SEC14L1: variants seen among roughly 807,000 people sequenced by gnomAD.
SEC14L1 encodes SEC14-like protein 1.
SEC14L1 carries 48 observed loss-of-function variants against 85.3 expected under a neutral mutation model. The observed-to-expected ratio is 0.56, with a 90% CI of 0.45 to 0.72. The LOEUF (loss-of-function observed/expected upper bound fraction) is 0.72. SEC14L1 is among the 30% of genes least tolerant of loss of function. SEC14L1 has a pLI of 0.00. For missense variants in SEC14L1, 682 were observed against 921.4 expected, an observed-to-expected ratio of 0.74 and a Z score of 3.36; for synonymous variants, 391 against 355.5, an observed-to-expected ratio of 1.10 and a Z score of -1.12.
rs753854411 is a variant in SEC14L1, at chr17:77,215,055, ACT to A, written c.*1034_*1035del. 12 of 980,062 alleles carry A rather than the reference ACT, an allele frequency of 1.2e-5. No homozygotes were observed. The highest frequency in any genetic ancestry group is 1.5e-5 in the Non-Finnish European group (12 of 826,842). The allele number at this position is 980,062 out of a possible 1,614,324, so 60.7% of individuals were successfully genotyped here. On this transcript the variant is annotated 3_prime_UTR_variant, in exon 17 of 17. Coordinates refer to ENST00000436233, the MANE Select transcript of SEC14L1 (RefSeq NM_001143998.2). ...GCTTCTTTGTACATGGGAATTGTGG[ACT>A]CATGCGTGTGTGTGTGTGCATGTGC...
intron 14 of SEC14L1, 53 bp downstream of exon 14, chr17:77,209,529 T>C: frequency 6.3e-7 from 1 of 1,581,450 alleles, no homozygotes; most frequent in Non-Finnish European, 8.6e-7. Flanking sequence ...GCAGAGGGCC[T>C]GGCCCTCGCA....
chr17:77,104,430 C>T (rs866354640), intron 3 of SEC14L1, among the ~76,000 whole-genome samples: 1 of 135,988 alleles, frequency 7.4e-6, no homozygotes, highest in Admixed American at 7.4e-5. Flanking sequence ...CTTGTGTTTA[C>T]TTTTTTTTTT....
At chr17:77,133,121 C>T (rs768800482) in intron 3 of SEC14L1, among the ~76,000 whole-genome samples, 29 of 152,100 alleles carry the variant, frequency 1.9e-4, no homozygotes, top group Non-Finnish European at 5.9e-5. Context: ...GATCCTCCTG[C>T]CTCACCCTCC....
At chr17:77,159,314 G>C (rs1398436046) in intron 3 of SEC14L1, among the ~76,000 whole-genome samples, 2 of 151,348 alleles carry the variant, frequency 1.3e-5, no homozygotes, top group Non-Finnish European at 2.9e-5. Context: ...CGATGGGCCT[G>C]TCTGGGCCTC....
intron 3 of SEC14L1, among the ~76,000 whole-genome samples, chr17:77,158,300 G>A (rs990945285): frequency 3.3e-5 from 5 of 152,098 alleles, no homozygotes; most frequent in African/African-American, 9.7e-5. Flanking sequence ...TCGAAGCTCT[G>A]TCCCCATGAA....
At chr17:77,201,813 T>C (rs992082839) in intron 9 of SEC14L1, among the ~76,000 whole-genome samples, 2 of 152,156 alleles carry the variant, frequency 1.3e-5, no homozygotes, top group African/African-American at 2.4e-5. Flanking sequence ...CCGTAAGATT[T>C]TGGAGCACAT....
At chr17:77,189,323 G>T (rs1265238499) in intron 3 of SEC14L1, among the ~76,000 whole-genome samples, 1 of 152,092 alleles carries the variant, frequency 6.6e-6, no homozygotes, top group East Asian at 1.9e-4. Flanking sequence ...TCCTTACCAC[G>T]CTGGCCCAAA....
chr17:77,096,410 A>G (rs997149584), intron 3 of SEC14L1, among the ~76,000 whole-genome samples: 1 of 148,332 alleles, frequency 6.7e-6, no homozygotes, highest in South Asian at 2.2e-4. Context: ...TACAAAAATT[A>G]GCCAGGCGTT....
intron 3 of SEC14L1, among the ~76,000 whole-genome samples, chr17:77,149,173 G>A (rs913850065): frequency 6.6e-6 from 1 of 152,150 alleles, no homozygotes; most frequent in African/African-American, 2.4e-5. Flanking sequence ...TTGGTGTTAG[G>A]TACTTTCACT....
chr17:77,202,949 AAAAC>A lies in SEC14L1; in HGVS notation c.1010-619_1010-616del, dbSNP rs543940232. ...AAAATAAAAAAATAAAAAAAAAAAAAAAACAGAGTAGAGCCAACACAGGCTGCTT... is the reference window on the plus strand; with the variant it reads ...AAAATAAAAAAATAAAAAAAAAAAAAAGAGTAGAGCCAACACAGGCTGCTT... On this transcript the variant is annotated intron_variant, in intron 9 of 16. Coordinates refer to ENST00000436233, the MANE Select transcript of SEC14L1 (RefSeq NM_001143998.2). Among the ~76,000 whole-genome samples the A allele has an allele frequency of 7.4e-3, 1,130 of 151,842 alleles. 7 individuals carry two copies. Among genetic ancestry groups the A allele is most frequent in the Non-Finnish European group, 0.013 (854 of 67,890 alleles).
intron 6 of SEC14L1, 126 bp from the exon 7 acceptor site, chr17:77,194,551 C>CA (rs548412137): frequency 0.059 from 33,408 of 569,628 alleles, 80 homozygotes; most frequent in East Asian, 0.088. Flanking sequence ...GACCCTGTCT[C>CA]AAAAAAAAAA....
In SEC14L1 at chr17:77,143,627, G is replaced by A. The variant is rs1336590639; in HGVS notation, c.31G>A (p.Val11Met). 8.1e-6 allele frequency: 13 copies of A among 1,613,394 alleles called. No homozygotes were observed. The highest frequency in any genetic ancestry group is 1.1e-5 in the Non-Finnish European group (13 of 1,179,534). MVQKYQSPVR[V>M]YKYPFELIMA... The stretch of plus-strand genomic sequence containing the variant: ...GCAGAAATACCAGTCCCCAGTGAGG[G>A]TGTACAAATACCCCTTTGAATTAAT... Residue 11 changes from valine to methionine, a missense_variant, in exon 3 of 17, where the codon GTG becomes ATG. Coordinates refer to ENST00000436233, the MANE Select transcript of SEC14L1 (RefSeq NM_001143998.2).
At chr17:77,194,607 A>G (rs1975708005) in intron 6 of SEC14L1, 70 bp from the exon 7 acceptor site, 1 of 1,293,614 alleles carries the variant, frequency 7.7e-7, no homozygotes, top group South Asian at 1.3e-5. Flanking sequence ...AAAAAAAGAA[A>G]AATCTTGGGA....
chr17:77,174,225 A>G (rs532660253), intron 3 of SEC14L1, among the ~76,000 whole-genome samples: 1 of 151,244 alleles, frequency 6.6e-6, no homozygotes, highest in East Asian at 2.0e-4. Flanking sequence ...GGCCTCTTGC[A>G]CTCTTTCTTT....
In SEC14L1 at chr17:77,206,087, A is replaced by T. The variant is rs1429749783; in HGVS notation, c.1170-142A>T. On this transcript the variant is annotated intron_variant, in intron 11 of 16. Coordinates refer to ENST00000436233, the MANE Select transcript of SEC14L1 (RefSeq NM_001143998.2). The surrounding 1 kb of genome is among the most constrained non-coding windows in gnomAD (Gnocchi z 4.3). The stretch of plus-strand genomic sequence containing the variant: ...AGTAGATATAAACAGGGTTCATAGC[A>T]CTATACATAGCACTATAATTTAAAA... 14 of 753,446 alleles carry T rather than the reference A, an allele frequency of 1.9e-5. No homozygotes were observed. Among genetic ancestry groups the T allele is most frequent in the Non-Finnish European group, 3.0e-5 (14 of 473,008 alleles). The allele number at this position is 753,446 out of a possible 1,614,324, so 46.7% of individuals were successfully genotyped here.
At chr17:77,179,074 G>A (rs1182019229) in intron 3 of SEC14L1, among the ~76,000 whole-genome samples, 1 of 152,196 alleles carries the variant, frequency 6.6e-6, no homozygotes, top group Non-Finnish European at 1.5e-5. Context: ...TATATATCAT[G>A]TCTGGAACTC....
chr17:77,159,594 TG>T (rs1973968300), intron 3 of SEC14L1, among the ~76,000 whole-genome samples: 1 of 150,684 alleles, frequency 6.6e-6, no homozygotes, highest in African/African-American at 2.4e-5. Flanking sequence ...TTGGCCACAC[TG>T]GTCTCAAACT....
At chr17:77,133,869 G>A (rs1972693604) in intron 3 of SEC14L1, among the ~76,000 whole-genome samples, 1 of 150,294 alleles carries the variant, frequency 6.7e-6, no homozygotes, top group African/African-American at 2.5e-5. Flanking sequence ...AACCCAGGAG[G>A]TGGAGGTTGC....
At chr17:77,115,239 A>G (rs1467104328) in intron 3 of SEC14L1, among the ~76,000 whole-genome samples, 1 of 151,562 alleles carries the variant, frequency 6.6e-6, no homozygotes, top group Admixed American at 6.6e-5. Flanking sequence ...GACCAGCCTA[A>G]CCAACATGGT....
Sources: gnomAD v4.1 joint callset for allele counts (sites outside exome capture counted in the v4.1 genomes callset) on GRCh38, gnomAD v4.1.1 for gene constraint, Gnocchi (gnomAD v3.1) non-coding constraint, MANE v1.5 for transcripts, NCBI Gene and HGNC (gene_info 2026-07-23, HGNC 2026-07-21) for gene names.